The following OSBPL9 variants were observed in gnomAD, a reference collection of about 807,000 sequenced individuals.
The protein encoded by OSBPL9 is oxysterol binding protein like 9, also known as oxysterol-binding protein-related protein 9.
A neutral mutation model predicts 106.6 loss-of-function variants in OSBPL9; 40 were observed. That is an observed-to-expected ratio of 0.38 (90% CI 0.29 to 0.49). OSBPL9 has a LOEUF of 0.49. Ranked by LOEUF, OSBPL9 falls within the 20% of genes least tolerant of loss-of-function variation. The probability of loss-of-function intolerance (pLI) is 0.97; values close to 1 mark genes in which losing one functional copy is unlikely to be tolerated. For synonymous variants in OSBPL9, 269 were observed against 295.4 expected (o/e 0.91, Z 0.92); for missense variants, 609 against 887.2 (o/e 0.69, Z 3.98).
intron 3 of OSBPL9, among the ~76,000 whole-genome samples, chr1:51,683,806 A>C (rs144129111): frequency 6.6e-4 from 100 of 152,040 alleles, no homozygotes; most frequent in African/African-American, 2.2e-3. Context: ...AAAAAAAGGA[A>C]ATTTTGTTAT....
chr1:51,707,232 TG>T, intron 3 of OSBPL9: 1 of 329,970 alleles, frequency 3.0e-6, no homozygotes, highest in Non-Finnish European at 6.2e-6. Flanking sequence ...CCTGACAAAG[TG>T]GTCATTGAGG....
chr1:51,584,174 C>T (rs1422690220), intron 1 of OSBPL9, among the ~76,000 whole-genome samples: 1 of 152,078 alleles, frequency 6.6e-6, no homozygotes, highest in Non-Finnish European at 1.5e-5. Flanking sequence ...TTTTAATATG[C>T]CAGTCCCTAT....
Position 51,788,855 on chromosome 1 carries a change from T to A in OSBPL9, c.*1066T>A, listed in dbSNP as rs533737724. Reference sequence around the variant, plus strand: ...ACAGAACTATATCTATCTATCTATCTATCATCTTTTTTATTTAAAAATACA... The same window carrying A: ...ACAGAACTATATCTATCTATCTATCAATCATCTTTTTTATTTAAAAATACA... On this transcript the variant is annotated 3_prime_UTR_variant, in exon 24 of 24. Transcript: ENST00000428468. Among the ~76,000 whole-genome samples the A allele has an allele frequency of 8.7e-5, 13 of 149,126 alleles. No homozygotes were observed. Among genetic ancestry groups the A allele is most frequent in the African/African-American group, 2.0e-4 (8 of 40,260 alleles).
intron 4 of OSBPL9, among the ~76,000 whole-genome samples, chr1:51,737,947 A>G (rs12023659): frequency 0.037 from 5,569 of 152,136 alleles, 243 homozygotes; most frequent in East Asian, 0.11. Flanking sequence ...GAGGCTGCTA[A>G]TAATAACTTT....
chr1:51,608,036 C>T (rs1048207793), intron 2 of OSBPL9, among the ~76,000 whole-genome samples: 8 of 152,198 alleles, frequency 5.3e-5, no homozygotes, highest in African/African-American at 1.2e-4. Flanking sequence ...AGCACTTGGG[C>T]GGGCCGCATA....
At chr1:51,770,868 G>A (rs1302670418) in intron 12 of OSBPL9, among the ~76,000 whole-genome samples, 1 of 152,160 alleles carries the variant, frequency 6.6e-6, no homozygotes, top group African/African-American at 2.4e-5. Flanking sequence ...AAACTATTCT[G>A]TATGATACAA....
chr1:51,578,498 C>G (rs1645199534), intron 1 of OSBPL9, among the ~76,000 whole-genome samples: 1 of 152,188 alleles, frequency 6.6e-6, no homozygotes, highest in African/African-American at 2.4e-5. Context: ...ATGAAAGGCT[C>G]AAGCCAGAAT....
At chr1:51,649,631 C>T (rs780597178) in intron 1 of OSBPL9, among the ~76,000 whole-genome samples, 1 of 151,606 alleles carries the variant, frequency 6.6e-6, no homozygotes, top group African/African-American at 2.4e-5. Context: ...GAAACCTGAT[C>T]ATTTCAGTTT....
intron 4 of OSBPL9, chr1:51,740,113 T>C: frequency 2.6e-6 from 4 of 1,549,358 alleles, no homozygotes; most frequent in Non-Finnish European, 3.5e-6. Flanking sequence ...GGTAACTTTC[T>C]ATTCTCTCTT....
the OSBPL9 span, among the ~76,000 whole-genome samples, chr1:51,530,170 C>CA: frequency 0.063 from 688 of 10,940 alleles, 113 homozygotes; most frequent in Admixed American, 0.15. Context: ...GACTCTGTCT[C>CA]AAAAAAAAAA....
chr1:51,759,671 A>C (rs1671088203), intron 9 of OSBPL9: 1 of 152,200 alleles, frequency 6.6e-6, no homozygotes, highest in Non-Finnish European at 1.5e-5. Flanking sequence ...ACTTTGGTTT[A>C]ACATGTACAC....
At chr1:51,631,496 A>G (rs1470250419) in intron 1 of OSBPL9, among the ~76,000 whole-genome samples, 1 of 152,096 alleles carries the variant, frequency 6.6e-6, no homozygotes, top group Non-Finnish European at 1.5e-5. Context: ...AGCTATGATC[A>G]TGCCACTGCA....
intron 3 of OSBPL9, among the ~76,000 whole-genome samples, chr1:51,673,332 A>T (rs1650361691): frequency 6.6e-6 from 1 of 152,232 alleles, no homozygotes; most frequent in South Asian, 2.1e-4. Context: ...ATAGGAGTGG[A>T]GACAGTGCAT....
At chr1:51,519,203 G>A in the OSBPL9 span, 1 of 1,422,898 alleles carries the variant, frequency 7.0e-7, no homozygotes, top group Non-Finnish European at 9.3e-7. Flanking sequence ...CGTTACCTGT[G>A]TCAGAGAGAG....
rs562954151 is a variant in OSBPL9 at position 51,747,999 on chromosome 1, C to G, written c.463-370C>G. Among the ~76,000 whole-genome samples, 250 of 152,172 alleles carry G rather than the reference C, an allele frequency of 1.6e-3. 2 individuals carry two copies. The highest frequency in any genetic ancestry group is 2.8e-3 in the Non-Finnish European group (190 of 68,000). ...AGAGGTGGGGTTTCACCATGTTAGC[C>G]AGGATGGTCTCGATCTCCTGACCTC... On this transcript the variant is annotated intron_variant, in intron 6 of 23. Transcript: ENST00000428468.
At chr1:51,634,856 G>T (rs1008407928) in intron 1 of OSBPL9, among the ~76,000 whole-genome samples, 5 of 152,216 alleles carry the variant, frequency 3.3e-5, no homozygotes, top group Non-Finnish European at 2.9e-5. Flanking sequence ...TTACGCTGGG[G>T]CAGGCAAAGA....
chr1:51,775,687 G>A (rs560260201), intron 14 of OSBPL9, among the ~76,000 whole-genome samples: 14 of 151,966 alleles, frequency 9.2e-5, no homozygotes, highest in South Asian at 8.3e-4. Context: ...CTTGGCTCAC[G>A]GCAACCTCTG....
chr1:51,669,712 CTG>C (rs1226477873), intron 3 of OSBPL9, 200 bp downstream of exon 3: 5 of 668,196 alleles, frequency 7.5e-6, no homozygotes, highest in Non-Finnish European at 1.1e-5. Flanking sequence ...TTTGAAACGA[CTG>C]TGGATCTGGC....
intron 12 of OSBPL9, among the ~76,000 whole-genome samples, chr1:51,768,194 G>A (rs1349517911): frequency 6.6e-6 from 1 of 151,836 alleles, no homozygotes; most frequent in Non-Finnish European, 1.5e-5. Context: ...GCCCGCCTCG[G>A]CCTCCCAAAG....
Sources: allele counts gnomAD v4.1 joint callset (sites outside exome capture counted in the v4.1 genomes callset), GRCh38; gene constraint gnomAD v4.1.1; transcripts MANE v1.5; gene names NCBI Gene and HGNC (gene_info 2026-07-23, HGNC 2026-07-21).